Variants in OPHN1 observed in about 807,000 individuals in gnomAD.
OPHN1 encodes the protein oligophrenin-1.
In OPHN1, 11 loss-of-function variants were observed where a neutral mutation model predicts 60.7. That is an observed-to-expected ratio of 0.18 (90% CI 0.11 to 0.30). The LOEUF (loss-of-function observed/expected upper bound fraction) is 0.30, where lower values mean the gene tolerates loss of function less well. Among genes scored for constraint, OPHN1 ranks in the 10% least tolerant of loss-of-function variants. The pLI is 1.00. For synonymous variants in OPHN1, 226 were observed against 222.6 expected (o/e 1.02, Z -0.14); for missense variants, 449 against 611.0 (o/e 0.73, Z 2.80).
intron 15 of OPHN1, among the ~76,000 whole-genome samples, chrX:68,168,482 TC>T (rs1177505469): frequency 9.0e-6 from 1 of 111,064 alleles, no homozygotes; most frequent in East Asian, 2.8e-4. Context: ...CATACCAGAA[TC>T]TCTGGGACAC....
At chrX:68,265,091 C>G (rs2077916589) in intron 5 of OPHN1, among the ~76,000 whole-genome samples, 1 of 112,655 alleles carries the variant, frequency 8.9e-6, no homozygotes, top group Non-Finnish European at 1.9e-5. Context: ...TCTGTAGACT[C>G]CACCTCTGGG....
intron 2 of OPHN1, among the ~76,000 whole-genome samples, chrX:68,322,796 TAAAAC>T (rs1171579294): frequency 7.3e-5 from 8 of 110,209 alleles, no homozygotes; most frequent in African/African-American, 2.6e-4. Context: ...CGAAACAAAA[TAAAAC>T]AAAACAGAAA....
intron 6 of OPHN1, among the ~76,000 whole-genome samples, chrX:68,220,293 C>T (rs1158711204): frequency 9.2e-6 from 1 of 108,588 alleles, no homozygotes; most frequent in Non-Finnish European, 1.9e-5. Context: ...TAATCAATAG[C>T]TTAGCAACCA....
chrX:68,426,172 G>C (rs2078854464), intron 2 of OPHN1, among the ~76,000 whole-genome samples: 1 of 110,998 alleles, frequency 9.0e-6, no homozygotes, highest in South Asian at 3.9e-4. Context: ...TGGGCACAGT[G>C]TCTCACGCCT....
intron 4 of OPHN1, among the ~76,000 whole-genome samples, chrX:68,277,398 T>C (rs770471215): frequency 1.8e-5 from 2 of 112,640 alleles, no homozygotes; most frequent in South Asian, 7.4e-4. Context: ...ACTGGTGCCC[T>C]GCAGGCTAGG....
At chrX:68,155,695 CCCA>C (rs1180933959) in intron 15 of OPHN1, among the ~76,000 whole-genome samples, 5 of 111,827 alleles carry the variant, frequency 4.5e-5, no homozygotes, top group Non-Finnish European at 9.4e-5. Flanking sequence ...ACACAGATTG[CCCA>C]CCACCACATG....
intron 15 of OPHN1, among the ~76,000 whole-genome samples, chrX:68,153,210 CAAAAAAAAAA>C (rs11292214): frequency 1.8e-5 from 1 of 55,428 alleles, no homozygotes; most frequent in Non-Finnish European, 3.9e-5. Context: ...GACTCCATGT[CAAAAAAAAAA>C]AAAAAAGAAA....
chrX:68,125,591 T>C (rs1001341331), intron 15 of OPHN1, among the ~76,000 whole-genome samples: 4 of 109,622 alleles, frequency 3.6e-5, no homozygotes. Context: ...AAGAAATTGA[T>C]AAATTCCTAG....
intron 5 of OPHN1, among the ~76,000 whole-genome samples, chrX:68,244,361 T>C (rs774063236): frequency 2.7e-5 from 3 of 112,446 alleles, no homozygotes; most frequent in Non-Finnish European, 3.8e-5. Context: ...AAAGCATTTA[T>C]TGCATTTGTT....
intron 11 of OPHN1, among the ~76,000 whole-genome samples, chrX:68,200,289 C>T (rs1268631869): frequency 9.0e-6 from 1 of 111,148 alleles, no homozygotes; most frequent in East Asian, 2.8e-4. Context: ...GTTCTAGTGT[C>T]GAAAATTCTT....
chrX:68,148,492 A>C (rs1258001555), intron 15 of OPHN1, among the ~76,000 whole-genome samples: 1 of 110,445 alleles, frequency 9.1e-6, no homozygotes, highest in African/African-American at 3.3e-5. Flanking sequence ...TGCTCTGGGA[A>C]GGGCTTTCCA....
At chrX:68,298,849 T>C in intron 3 of OPHN1, 152 bp downstream of exon 3, 1 of 375,215 alleles carries the variant, frequency 2.7e-6, no homozygotes, top group Admixed American at 3.4e-5. Context: ...CAGGGAAAGT[T>C]TCCTGATCCT....
chrX:68,344,385 G>A, intron 2 of OPHN1, among the ~76,000 whole-genome samples: 1 of 111,557 alleles, frequency 9.0e-6, no homozygotes, highest in Non-Finnish European at 1.9e-5. Context: ...GCCAAGGCAG[G>A]CAGACCAATT....
At chrX:68,125,930 A>ATATATATATATATAT (rs2077168269) in intron 15 of OPHN1, among the ~76,000 whole-genome samples, 1 of 22,262 alleles carries the variant, frequency 4.5e-5, no homozygotes. Context: ...ACCACTGATC[A>ATATATATATATATAT]ATATATATAT....
intron 5 of OPHN1, among the ~76,000 whole-genome samples, chrX:68,262,119 G>C (rs6624351): frequency 0.21 from 23,542 of 111,121 alleles, 2,335 homozygotes; most frequent in African/African-American, 0.39. Context: ...TCAAAGAGTG[G>C]AAGAAGAGGG....
At chrX:68,065,722 T>G (rs775135915) in intron 20 of OPHN1, among the ~76,000 whole-genome samples, 15 of 111,859 alleles carry the variant, frequency 1.3e-4, no homozygotes, top group South Asian at 3.8e-4. Context: ...TGGTGAGGAT[T>G]ACAGGAGATG....
At chrX:68,190,594 A>C (rs759103792) in intron 15 of OPHN1, among the ~76,000 whole-genome samples, 1 of 112,119 alleles carries the variant, frequency 8.9e-6, no homozygotes, top group Non-Finnish European at 1.9e-5. Context: ...TACTTGAATC[A>C]AATTCTACTG....
intron 2 of OPHN1, among the ~76,000 whole-genome samples, chrX:68,373,977 T>C (rs1278836393): frequency 9.0e-6 from 1 of 111,493 alleles, no homozygotes; most frequent in African/African-American, 3.3e-5. Context: ...CAAATCTAAA[T>C]ATAAAACCTA....
chrX:68,280,927 A>C (rs2078016658), intron 4 of OPHN1, among the ~76,000 whole-genome samples: 1 of 112,112 alleles, frequency 8.9e-6, no homozygotes, highest in Non-Finnish European at 1.9e-5. Context: ...ACTCTGATGA[A>C]AAAAATCAAA....
Sources: allele counts gnomAD v4.1 joint callset (sites outside exome capture counted in the v4.1 genomes callset), GRCh38; gene constraint gnomAD v4.1.1; transcripts MANE v1.5; gene names NCBI Gene and HGNC (gene_info 2026-07-23, HGNC 2026-07-21).